KCNH7: variants seen among roughly 807,000 people sequenced by gnomAD.
KCNH7 encodes voltage-gated inwardly rectifying potassium channel KCNH7.
A neutral mutation model predicts 120.8 loss-of-function variants in KCNH7; 49 were observed. The ratio of observed to expected loss-of-function variants is 0.41; its 90% CI spans 0.32 to 0.51. KCNH7 has a LOEUF of 0.51. Among genes scored for constraint, KCNH7 ranks in the 20% least tolerant of loss-of-function variants. KCNH7 has a pLI of 0.38. For missense variants in KCNH7, 1,097 were observed against 1,446.6 expected (o/e 0.76, Z 3.92); for synonymous variants, 547 against 516.1 (o/e 1.06, Z -0.81).
chr2:162,720,622 T>C (rs1307308745), intron 2 of KCNH7, among the ~76,000 whole-genome samples: 2 of 152,110 alleles, frequency 1.3e-5, no homozygotes, highest in East Asian at 1.9e-4. Context: ...ATATAGTCCA[T>C]TAATTCTCAC....
intron 5 of KCNH7, among the ~76,000 whole-genome samples, chr2:162,508,720 G>C (rs1482462345): frequency 6.6e-6 from 1 of 151,476 alleles, no homozygotes; most frequent in Non-Finnish European, 1.5e-5. Flanking sequence ...CCAGAATGCA[G>C]GGTTTCCTAC....
At chr2:162,621,252 CTTT>C (rs35494887) in intron 2 of KCNH7, among the ~76,000 whole-genome samples, 12 of 52,116 alleles carry the variant, frequency 2.3e-4, no homozygotes, top group African/African-American at 8.1e-4. Flanking sequence ...GTATCATCAT[CTTT>C]TTTTTTTTTT....
At chr2:162,390,865 A>G (rs536563959) in intron 12 of KCNH7, among the ~76,000 whole-genome samples, 204 of 152,152 alleles carry the variant, frequency 1.3e-3, no homozygotes, top group African/African-American at 4.5e-3. Flanking sequence ...TATTCAATAT[A>G]AGTATATATT....
intron 5 of KCNH7, among the ~76,000 whole-genome samples, chr2:162,506,488 C>T (rs962320864): frequency 6.6e-6 from 1 of 151,790 alleles, no homozygotes; most frequent in Non-Finnish European, 1.5e-5. Context: ...TTTTCCCCAA[C>T]TCTAATGTCC....
intron 13 of KCNH7, 49 bp from the exon 14 acceptor site, chr2:162,380,070 C>T (rs760787724): frequency 7.6e-6 from 12 of 1,586,408 alleles, no homozygotes; most frequent in Non-Finnish European, 4.3e-6. Context: ...TGCCCCTTTG[C>T]GTCAATAATT....
At chr2:162,764,467 T>A (rs951370188) in intron 2 of KCNH7, among the ~76,000 whole-genome samples, 1 of 152,210 alleles carries the variant, frequency 6.6e-6, no homozygotes, top group Non-Finnish European at 1.5e-5. Flanking sequence ...TCAAATCTAG[T>A]GTAATCTAGC....
chr2:162,559,054 C>CAAAAA (rs780823559), intron 2 of KCNH7, among the ~76,000 whole-genome samples: 9 of 37,140 alleles, frequency 2.4e-4, no homozygotes, highest in African/African-American at 9.5e-4. Context: ...GACTCTGCCT[C>CAAAAA]AAAAAAAAAA....
intron 9 of KCNH7, 125 bp from the exon 10 acceptor site, chr2:162,400,566 T>C: frequency 1.1e-6 from 1 of 883,290 alleles, no homozygotes; most frequent in Non-Finnish European, 1.8e-6. Flanking sequence ...CCTACTACTC[T>C]TCTACCTCGC....
At chr2:162,548,769 T>C (rs1282725042) in intron 2 of KCNH7, among the ~76,000 whole-genome samples, 2 of 152,240 alleles carry the variant, frequency 1.3e-5, no homozygotes, top group Non-Finnish European at 2.9e-5. Context: ...TTAATTTCCC[T>C]ATGTGTAAAA....
At chr2:162,750,223 A>C (rs997737481) in intron 2 of KCNH7, among the ~76,000 whole-genome samples, 3 of 152,144 alleles carry the variant, frequency 2.0e-5, no homozygotes, top group Non-Finnish European at 4.4e-5. Context: ...TGGATTAATG[A>C]GTTACAGAGA....
intron 2 of KCNH7, among the ~76,000 whole-genome samples, chr2:162,787,993 T>C (rs1407678190): frequency 6.6e-6 from 1 of 150,540 alleles, no homozygotes; most frequent in Non-Finnish European, 1.5e-5. Flanking sequence ...GTGCTTTCTT[T>C]GCCAAATACA....
At chr2:162,432,441 A>G (rs989641839) in intron 8 of KCNH7, among the ~76,000 whole-genome samples, 1 of 152,068 alleles carries the variant, frequency 6.6e-6, no homozygotes, top group Admixed American at 6.6e-5. Flanking sequence ...TAAAGTAGAC[A>G]ATAAACTTGG....
intron 6 of KCNH7, among the ~76,000 whole-genome samples, chr2:162,455,022 C>T (rs574329373): frequency 5.3e-4 from 80 of 152,100 alleles, no homozygotes; most frequent in Non-Finnish European, 9.7e-4. Context: ...TGTCAGTTTC[C>T]AAAGGGAATG....
At chr2:162,534,071 T>G (rs2105819885) in intron 3 of KCNH7, among the ~76,000 whole-genome samples, 1 of 151,358 alleles carries the variant, frequency 6.6e-6, no homozygotes, top group South Asian at 2.1e-4. Flanking sequence ...ATTAAACAAC[T>G]CAAGTTAAAA....
At chr2:162,750,393 A>G (rs1331576526) in intron 2 of KCNH7, among the ~76,000 whole-genome samples, 2 of 147,534 alleles carry the variant, frequency 1.4e-5, no homozygotes, top group African/African-American at 5.4e-5. Context: ...TGTATAGTAA[A>G]AGAAATAAAA....
At chr2:162,511,182 T>A (rs1691061500) in intron 5 of KCNH7, among the ~76,000 whole-genome samples, 1 of 151,768 alleles carries the variant, frequency 6.6e-6, no homozygotes, top group Non-Finnish European at 1.5e-5. Flanking sequence ...AATTGTTTTA[T>A]GACACTAAAA....
chr2:162,476,596 T>C (rs540156900), intron 6 of KCNH7, among the ~76,000 whole-genome samples: 1 of 152,370 alleles, frequency 6.6e-6, no homozygotes, highest in African/African-American at 2.4e-5. Flanking sequence ...TCATTTGCTC[T>C]GTATCCTTAA....
intron 2 of KCNH7, among the ~76,000 whole-genome samples, chr2:162,735,980 G>C (rs1371256224): frequency 3.9e-5 from 6 of 152,128 alleles, no homozygotes; most frequent in Non-Finnish European, 8.8e-5. Context: ...ACTTGTATGG[G>C]CCAATGACTT....
intron 13 of KCNH7, among the ~76,000 whole-genome samples, chr2:162,383,918 A>G (rs1230851882): frequency 6.6e-6 from 1 of 151,888 alleles, no homozygotes; most frequent in Admixed American, 6.6e-5. Flanking sequence ...TCATTTACCC[A>G]AAGACATAAA....
Sources: gnomAD v4.1 joint callset for allele counts (sites outside exome capture counted in the v4.1 genomes callset) on GRCh38, gnomAD v4.1.1 for gene constraint, MANE v1.5 for transcripts, NCBI Gene and HGNC (gene_info 2026-07-23, HGNC 2026-07-21) for gene names.